RAB3IL1: variants seen among roughly 807,000 people sequenced by gnomAD.
The protein encoded by RAB3IL1 is guanine nucleotide exchange factor for Rab-3A.
Under a neutral mutation model 49.2 loss-of-function variants are expected in RAB3IL1, and 37 were observed. The observed-to-expected ratio is 0.75, with a 90% CI of 0.58 to 0.99. The LOEUF (loss-of-function observed/expected upper bound fraction) is 0.99, where lower values mean the gene tolerates loss of function less well. RAB3IL1 is among the 50% of genes least tolerant of loss of function. The pLI is 0.00. For synonymous variants in RAB3IL1, 193 were observed against 213.9 expected, an observed-to-expected ratio of 0.90 and a Z score of 0.85; for missense variants, 484 against 513.0, an observed-to-expected ratio of 0.94 and a Z score of 0.55.
upstream of RAB3IL1, among the ~76,000 whole-genome samples, chr11:61,923,657 C>T (rs1206169165): frequency 2.0e-5 from 3 of 152,226 alleles, 1 homozygote; most frequent in African/African-American, 7.2e-5. Flanking sequence ...TCAGGTCAGC[C>T]AGTGCTGGTC....
upstream of RAB3IL1, among the ~76,000 whole-genome samples, chr11:61,920,710 A>G (rs1397696652): frequency 6.6e-6 from 1 of 152,206 alleles, no homozygotes; most frequent in Non-Finnish European, 1.5e-5. Flanking sequence ...GATGACCTGA[A>G]GTCAGCAGTT....
At chr11:61,928,126 G>C in the RAB3IL1 span, among the ~76,000 whole-genome samples, 1 of 151,676 alleles carries the variant, frequency 6.6e-6, no homozygotes, top group Non-Finnish European at 1.5e-5. Context: ...TTAGGGATGT[G>C]GTGGACTTGA....
chr11:61,901,593 G>A (rs1001885841), intron 8 of RAB3IL1, among the ~76,000 whole-genome samples: 71 of 152,366 alleles, frequency 4.7e-4, no homozygotes, highest in African/African-American at 1.7e-3. Context: ...CATCTCAGCC[G>A]ACTGGAGAGT....
At chr11:61,914,062 C>A (rs954482434) in intron 1 of RAB3IL1, among the ~76,000 whole-genome samples, 1 of 152,208 alleles carries the variant, frequency 6.6e-6, no homozygotes, top group Non-Finnish European at 1.5e-5. Flanking sequence ...AATGAAGAGG[C>A]CTGTGTGCCT....
Position 61,907,387 on chromosome 11 carries a change from C to A in RAB3IL1, c.438+6G>T. ...GCTGGCCTGGGCAGGCGGGGATGGG[C>A]CTCACCTTGCCCCGAGCCTCCTTCA... On this transcript the variant is annotated splice_donor_region_variant and intron_variant, in intron 4 of 9. Transcript: ENST00000394836. 1 of 1,612,630 alleles carries A rather than the reference C, an allele frequency of 6.2e-7. No homozygotes were observed. The highest frequency in any genetic ancestry group is 8.5e-7 in the Non-Finnish European group (1 of 1,179,654).
upstream of RAB3IL1, among the ~76,000 whole-genome samples, chr11:61,922,698 C>T (rs1339616577): frequency 6.6e-6 from 1 of 152,112 alleles, no homozygotes; most frequent in East Asian, 1.9e-4. Flanking sequence ...TTCCTCACAC[C>T]CCACCCTGCC....
chr11:61,945,887 T>C, the RAB3IL1 span: 6 of 875,606 alleles, frequency 6.9e-6, no homozygotes, highest in South Asian at 2.1e-4. Flanking sequence ...TCCGTTGTCA[T>C]GGGCAGGACT....
At chr11:61,923,694 A>G (rs1273985752), upstream of RAB3IL1, among the ~76,000 whole-genome samples, 1 of 152,154 alleles carries the variant, frequency 6.6e-6, no homozygotes, top group Non-Finnish European at 1.5e-5. Context: ...CCCCATTTCC[A>G]TGAAAACAAC....
chr11:61,926,237 G>A, the RAB3IL1 span, among the ~76,000 whole-genome samples: 1 of 151,942 alleles, frequency 6.6e-6, no homozygotes, highest in African/African-American at 2.4e-5. Context: ...AAAAACACTG[G>A]GAGCTCAATA....
chr11:61,902,849 T>G (rs893044885), intron 7 of RAB3IL1, among the ~76,000 whole-genome samples: 2 of 152,292 alleles, frequency 1.3e-5, no homozygotes, highest in East Asian at 3.9e-4. Flanking sequence ...GCTCTGCATA[T>G]GCCTCTCCCT....
Position 61,902,526 on chromosome 11 carries a change from G to A in RAB3IL1, c.915C>T (p.Ser305=), listed in dbSNP as rs770303582. The change falls in exon 8 of 10, where the codon AGC becomes AGT. Residue 305 remains serine, a synonymous_variant. Transcript: ENST00000394836. The stretch of plus-strand genomic sequence containing the variant: ...GGTGGCGGCAGGTGCGGGTCAGCCC[G>A]CTCAGGGCACATGTGCTAGGGGAAA... ...DCSSTNTCAL[S]GLTRTCRHRI... is the part of the protein sequence containing the mutation. 1.2e-5 allele frequency: 19 copies of A among 1,599,644 alleles called. No individual in the cohort carries two copies. The East Asian group carries it at 1.4e-4, about 11-fold the overall frequency.
the RAB3IL1 span, among the ~76,000 whole-genome samples, chr11:61,946,295 C>G: frequency 2.2e-4 from 33 of 152,300 alleles, no homozygotes; most frequent in Admixed American, 1.8e-3. Flanking sequence ...TTCTTCCTGC[C>G]CAGCTGAGGC....
intron 1 of RAB3IL1, among the ~76,000 whole-genome samples, chr11:61,913,242 G>A (rs1177447158): frequency 1.3e-5 from 2 of 152,112 alleles, no homozygotes; most frequent in East Asian, 3.9e-4. Flanking sequence ...GAGTGTCTGG[G>A]ACCCGGGGAT....
At chr11:61,936,928 C>T in the RAB3IL1 span, among the ~76,000 whole-genome samples, 2 of 152,076 alleles carry the variant, frequency 1.3e-5, no homozygotes, top group East Asian at 1.9e-4. Flanking sequence ...GCTAGTAGAC[C>T]TGCCATATAA....
rs368980969 is a variant in RAB3IL1 at position 61,898,389 on chromosome 11, G to A, written c.1067-29C>T. On this transcript the variant is annotated intron_variant, in intron 9 of 9. Transcript: ENST00000394836. This position sits in a 1 kb window ranked among gnomAD's most constrained non-coding sequence, Gnocchi z 5.1. Reference sequence around the variant, plus strand: ...CAGGCAGAGAGAGGGTGAACAGGTCGGGGACAGCTCAGGGTCACCTCGGGC... The same window carrying A: ...CAGGCAGAGAGAGGGTGAACAGGTCAGGGACAGCTCAGGGTCACCTCGGGC... 3.1e-5 allele frequency: 50 copies of A among 1,603,846 alleles called. No homozygotes were observed. Among genetic ancestry groups the A allele is most frequent in the Middle Eastern group, 3.3e-4 (2 of 6,060 alleles).
rs781432887 is a variant in RAB3IL1, at chr11:61,904,529, T to C, written c.899+17A>G. The C allele has an allele frequency of 5.7e-6, 9 of 1,591,422 alleles. No homozygotes were observed. Among genetic ancestry groups the C allele is most frequent in the Middle Eastern group, 3.3e-4 (2 of 6,036 alleles). Reference sequence around the variant, plus strand: ...CTTTCCCACATGGGCAGGAAGGAGCTAAGACCCTCAGCTTACTTGGTGCTG... The same window carrying C: ...CTTTCCCACATGGGCAGGAAGGAGCCAAGACCCTCAGCTTACTTGGTGCTG... On this transcript the variant is annotated intron_variant, in intron 7 of 9. Transcript: ENST00000394836.
chr11:61,944,477 GGCCCCAGACCTCAGTTT>G, the RAB3IL1 span, among the ~76,000 whole-genome samples: 1 of 151,966 alleles, frequency 6.6e-6, no homozygotes, highest in Non-Finnish European at 1.5e-5. Flanking sequence ...GATGTAACTG[GGCCCCAGACCTCAGTTT>G]GAGAAGCCAG....
chr11:61,908,255 G>T lies in RAB3IL1; in HGVS notation c.63C>A (p.Val21=). 6.6e-7 allele frequency: 1 copy of T among 1,522,396 alleles called. No individual in the cohort carries two copies. Among genetic ancestry groups the T allele is most frequent in the Non-Finnish European group, 8.8e-7 (1 of 1,134,612 alleles). 94.3% of individuals were successfully genotyped at this position (1,522,396 alleles called of 1,614,324 possible). A position where few individuals can be genotyped will look rare whatever the true frequency, so the allele number is the denominator to read the frequency against. Residue 21 remains valine (V), a synonymous_variant, in exon 2 of 10, where the codon GTC becomes GTA. Coordinates refer to ENST00000394836, the MANE Select transcript of RAB3IL1 (RefSeq NM_013401.4). ...GLPPPLAAVP[V]PWKSTDPCQG... is the part of the protein sequence containing the mutation. ...GGCAGGGGTCCGTGCTCTTCCAGGG[G>T]ACCGGGACAGCTGCAAGGGGCGGCG...
chr11:61,935,567 T>C, the RAB3IL1 span, among the ~76,000 whole-genome samples: 1 of 152,020 alleles, frequency 6.6e-6, no homozygotes, highest in South Asian at 2.1e-4. Flanking sequence ...CAGGCTGGAG[T>C]GCAGGGGCAC....
Sources: allele counts gnomAD v4.1 joint callset (sites outside exome capture counted in the v4.1 genomes callset), GRCh38; gene constraint gnomAD v4.1.1; non-coding constraint Gnocchi (gnomAD v3.1); transcripts MANE v1.5; gene names NCBI Gene and HGNC (gene_info 2026-07-23, HGNC 2026-07-21).